HTT: variants seen among roughly 807,000 people sequenced by gnomAD.
The protein encoded by HTT is huntington disease protein.
In HTT, 104 loss-of-function variants were observed where a neutral mutation model predicts 362.3. That is an observed-to-expected ratio of 0.29 (90% CI 0.24 to 0.34). The LOEUF (loss-of-function observed/expected upper bound fraction) is 0.34. Among genes scored for constraint, HTT ranks in the 10% least tolerant of loss-of-function variants. HTT has a pLI of 1.00. For synonymous variants in HTT, 1,577 were observed against 1,548.7 expected, an observed-to-expected ratio of 1.02 and a Z score of -0.43; for missense variants, 3,301 against 3,928.6, an observed-to-expected ratio of 0.84 and a Z score of 4.27.
At chr4:3,155,819 A>G (rs1187453071) in intron 27 of HTT, among the ~76,000 whole-genome samples, 1 of 150,242 alleles carries the variant, frequency 6.7e-6, no homozygotes, top group East Asian at 2.0e-4. Flanking sequence ...AATTGCTTGA[A>G]TCTGGCAGGT....
Position 3,242,241 on chromosome 4 carries a change from C to G in HTT, c.*2182C>G, listed in dbSNP as rs897368183. The G allele has an allele frequency of 6.6e-6, 1 of 152,178 alleles. No homozygotes were observed. The highest frequency in any genetic ancestry group is 1.5e-5 in the Non-Finnish European group (1 of 68,038). 9.4% of individuals were successfully genotyped at this position (152,178 alleles called of 1,614,324 possible). On this transcript the variant is annotated 3_prime_UTR_variant, in exon 67 of 67. Coordinates refer to ENST00000355072, the MANE Select transcript of HTT (RefSeq NM_001388492.1). ...ATAGAGTTTGTCTTCCTCTTGTTTA[C>G]GACGTGATCTAAACCAGTCCTTAGC...
intron 8 of HTT, among the ~76,000 whole-genome samples, chr4:3,117,228 A>G (rs954294290): frequency 5.3e-5 from 8 of 152,202 alleles, no homozygotes; most frequent in Non-Finnish European, 1.0e-4. Context: ...CTCATGGGAT[A>G]TGACATTTAT....
At chr4:3,239,464 T>C (rs138021609) in intron 66 of HTT, among the ~76,000 whole-genome samples, 2 of 152,294 alleles carry the variant, frequency 1.3e-5, no homozygotes, top group East Asian at 3.9e-4. Flanking sequence ...CACAAGAGCC[T>C]CCAAGCAGCA....
chr4:3,091,989 A>G (rs1713533210), intron 2 of HTT, among the ~76,000 whole-genome samples: 1 of 152,176 alleles, frequency 6.6e-6, no homozygotes, highest in Non-Finnish European at 1.5e-5. Context: ...TTAATGGCCT[A>G]CCACTAAAAG....
intron 57 of HTT, among the ~76,000 whole-genome samples, chr4:3,226,313 G>A (rs539869936): frequency 6.6e-6 from 1 of 152,210 alleles, no homozygotes; most frequent in East Asian, 1.9e-4. Context: ...ATAAGTGAAG[G>A]GATTCAAGGG....
intron 8 of HTT, among the ~76,000 whole-genome samples, chr4:3,120,632 C>T (rs1486390996): frequency 1.3e-5 from 2 of 152,196 alleles, no homozygotes; most frequent in Non-Finnish European, 2.9e-5. Flanking sequence ...TTGTGAACTG[C>T]ACATGTGAGG....
rs1363780372 is a variant in HTT at position 3,140,662 on chromosome 4, C to T, written c.2945+6C>T. 6.2e-7 allele frequency: 1 copy of T among 1,613,020 alleles called. No homozygotes were observed. Among genetic ancestry groups the T allele is most frequent in the Non-Finnish European group, 8.5e-7 (1 of 1,179,308 alleles). ...TCCGTCAGCACAATAACCAGGTATGCTGACCCAGTGGCATCTTCACATTGT... is the reference window on the plus strand; with the variant it reads ...TCCGTCAGCACAATAACCAGGTATGTTGACCCAGTGGCATCTTCACATTGT... On this transcript the variant is annotated splice_donor_region_variant and intron_variant, in intron 22 of 66. Coordinates refer to ENST00000355072, the MANE Select transcript of HTT (RefSeq NM_001388492.1).
chr4:3,242,708 G>C lies in HTT; in HGVS notation c.*2649G>C, dbSNP rs1721861496. On this transcript the variant is annotated 3_prime_UTR_variant, in exon 67 of 67. Transcript: ENST00000355072. ...GTATTATCCAAATTTTGTTGCAAAT[G>C]TGATTAATTTGGTTGTCAAGTTTTG... is the stretch of plus-strand genomic sequence containing the variant. 6.6e-6 allele frequency: 1 copy of C among 152,220 alleles called. No individual in the cohort carries two copies. The highest frequency in any genetic ancestry group is 2.1e-4 in the South Asian group (1 of 4,822). 9.4% of individuals were successfully genotyped at this position (152,220 alleles called of 1,614,324 possible). A position where few individuals can be genotyped will look rare whatever the true frequency, so the allele number is the denominator to read the frequency against.
chr4:3,082,139 G>A (rs534709806), intron 1 of HTT, among the ~76,000 whole-genome samples: 1 of 151,114 alleles, frequency 6.6e-6, no homozygotes, highest in South Asian at 2.1e-4. Flanking sequence ...TTAACAATGT[G>A]TCATAGATAT....
At chr4:3,083,493 C>T (rs73088115) in intron 1 of HTT, among the ~76,000 whole-genome samples, 1,667 of 149,322 alleles carry the variant, frequency 0.011, 36 homozygotes, top group African/African-American at 0.039. Context: ...CACTACACTA[C>T]AACCTGGGCA....
chr4:3,172,887 G>A, intron 30 of HTT, 21 bp from the exon 31 acceptor site: 2 of 1,540,440 alleles, frequency 1.3e-6, no homozygotes, highest in Middle Eastern at 1.7e-4. Flanking sequence ...CATTGTTGAT[G>A]CCTCATTTTT....
intron 21 of HTT, among the ~76,000 whole-genome samples, chr4:3,138,100 C>A (rs1278982500): frequency 6.7e-6 from 1 of 148,664 alleles, no homozygotes. Context: ...TTCCTTCCTT[C>A]TTTCCTTCCT....
intron 40 of HTT, among the ~76,000 whole-genome samples, chr4:3,192,102 T>G (rs1167054680): frequency 6.6e-6 from 1 of 152,212 alleles, no homozygotes; most frequent in Non-Finnish European, 1.5e-5. Flanking sequence ...GGTCTCACTT[T>G]GTCGCCTAGG....
At position 3,180,552 on chromosome 4, in the gene HTT, T is replaced by C. The variant is rs372366590; in HGVS notation, c.4650T>C (p.Phe1550=). Residue 1550 remains phenylalanine, a synonymous_variant, in exon 36 of 67, where the codon TTT becomes TTC. Transcript: ENST00000355072. ...TGCAGCCCATAGTCCACGACCTCTT[T>C]GTATTAAGAGGAACAAATAAAGCTG... ...PALQPIVHDL[F]VLRGTNKADA... 5 of 1,612,520 alleles carry C rather than the reference T, an allele frequency of 3.1e-6. No homozygotes were observed. Among genetic ancestry groups the C allele is most frequent in the Admixed American group, 1.7e-5 (1 of 59,842 alleles).
At position 3,214,016 on chromosome 4, in the gene HTT, G is replaced by A. The variant is rs766207653; in HGVS notation, c.6833G>A (p.Gly2278Glu). 1 of 1,608,896 alleles carries A rather than the reference G, an allele frequency of 6.2e-7. No homozygotes were observed. The change falls in exon 50 of 67, where the codon GGG becomes GAG. Residue 2278 changes from glycine (G) to glutamate (E), a missense_variant. Transcript: ENST00000355072. ...QIPLSLDLQA[G>E]LDCCCLALQL... The stretch of plus-strand genomic sequence containing the variant: ...CCGCTGAGTCTGGATCTCCAGGCAG[G>A]GCTGGACTGCTGCTGCCTGGCCCTG...
chr4:3,119,817 G>C (rs761065836), intron 8 of HTT, among the ~76,000 whole-genome samples: 1 of 152,142 alleles, frequency 6.6e-6, no homozygotes, highest in Non-Finnish European at 1.5e-5. Context: ...AAAATGGATG[G>C]CTTAAGAAGT....
rs372104948 is a variant in HTT, at chr4:3,228,716, G to A, written c.7950G>A (p.Ser2650=). 4.0e-5 allele frequency: 65 copies of A among 1,605,244 alleles called. No homozygotes were observed. The highest frequency in any genetic ancestry group is 1.7e-4 in the Middle Eastern group (1 of 6,018). ...AGGAGGCCGACGCCCCTGCACCTTC[G>A]TCACCACCCACGTCTCCAGTCAACT... ...EEEEADAPAP[S]SPPTSPVNSR... Residue 2650 remains serine, a synonymous_variant, in exon 58 of 67, where the codon TCG becomes TCA. Coordinates refer to ENST00000355072, the MANE Select transcript of HTT (RefSeq NM_001388492.1). The surrounding 1 kb of genome is among the most constrained non-coding windows in gnomAD (Gnocchi z 4.3).
At chr4:3,185,433 C>CA (rs1182471224) in intron 37 of HTT, among the ~76,000 whole-genome samples, 3 of 152,094 alleles carry the variant, frequency 2.0e-5, no homozygotes, top group Non-Finnish European at 4.4e-5. Context: ...TAAGATGTGG[C>CA]CAGTGTTGTG....
intron 54 of HTT, 78 bp downstream of exon 54, chr4:3,222,565 G>T (rs1169812172): frequency 1.9e-6 from 2 of 1,039,334 alleles, no homozygotes; most frequent in South Asian, 2.7e-5. Flanking sequence ...ATAAAATAAG[G>T]CAGCAAGCTG....
Sources: gnomAD v4.1 joint callset for allele counts (sites outside exome capture counted in the v4.1 genomes callset) on GRCh38, gnomAD v4.1.1 for gene constraint, Gnocchi (gnomAD v3.1) non-coding constraint, MANE v1.5 for transcripts, NCBI Gene and HGNC (gene_info 2026-07-23, HGNC 2026-07-21) for gene names.